Variants in RALGAPA2 observed in about 807,000 individuals in gnomAD.
The protein encoded by RALGAPA2 is ral GTPase-activating protein subunit alpha-2.
RALGAPA2 carries 139 observed loss-of-function variants against 230.4 expected under a neutral mutation model. The observed-to-expected ratio is 0.60, with a 90% CI of 0.53 to 0.69. The LOEUF (loss-of-function observed/expected upper bound fraction) is 0.69. RALGAPA2 is among the 30% of genes least tolerant of loss of function. The pLI is 0.00. For synonymous variants in RALGAPA2, 847 were observed against 837.8 expected, an observed-to-expected ratio of 1.01 and a Z score of -0.19; for missense variants, 2,163 against 2,276.0, an observed-to-expected ratio of 0.95 and a Z score of 1.01.
chr20:20,553,194 A>G (rs1050382378), intron 23 of RALGAPA2, among the ~76,000 whole-genome samples: 1 of 152,238 alleles, frequency 6.6e-6, no homozygotes, highest in South Asian at 2.1e-4. Flanking sequence ...GAGTACAACT[A>G]TGTTATGAAA....
At chr20:20,506,868 G>C (rs2062551242) in intron 33 of RALGAPA2, among the ~76,000 whole-genome samples, 1 of 152,190 alleles carries the variant, frequency 6.6e-6, no homozygotes, top group Admixed American at 6.5e-5. Flanking sequence ...TGGAGGAAGA[G>C]AGTTCTCTCC....
chr20:20,468,824 G>A (rs558921413), intron 37 of RALGAPA2, among the ~76,000 whole-genome samples: 1 of 151,744 alleles, frequency 6.6e-6, no homozygotes, highest in South Asian at 2.1e-4. Flanking sequence ...CACTGACTTA[G>A]TCCACCTCCT....
chr20:20,468,953 GTGTGTGTGTT>G (rs1401300355), intron 37 of RALGAPA2, among the ~76,000 whole-genome samples: 1 of 150,624 alleles, frequency 6.6e-6, no homozygotes, highest in African/African-American at 2.5e-5. Flanking sequence ...GTGTGTGTGT[GTGTGTGTGTT>G]TGTGTGTGTG....
rs183272361 is a variant in RALGAPA2, at chr20:20,694,349, T to C, written c.107-13548A>G. On this transcript the variant is annotated intron_variant, in intron 1 of 39. Transcript: ENST00000202677. ...TTTGCAGGTGGAATGACCTTCCTCC[T>C]AGACAGTTCAAAATGGTGGCATTTC... Among the ~76,000 whole-genome samples, 77 of 152,284 alleles carry C rather than the reference T, an allele frequency of 5.1e-4. 1 individual carries two copies. Among genetic ancestry groups the C allele is most frequent in the Non-Finnish European group, 4.9e-4 (33 of 68,018 alleles).
At position 20,435,337 on chromosome 20, in the gene RALGAPA2, T is replaced by C. The variant is rs376057369; in HGVS notation, c.5496-23189A>G. Among the ~76,000 whole-genome samples the C allele has an allele frequency of 2.6e-5, 4 of 152,232 alleles. No homozygotes were observed. In the East Asian group the frequency reaches 7.7e-4, roughly 29 times the overall value. On this transcript the variant is annotated intron_variant, in intron 37 of 39. Coordinates refer to ENST00000202677, the MANE Select transcript of RALGAPA2 (RefSeq NM_020343.4). ...AGCAACACTTCAGAGATGGAGGGTG[T>C]TCACCACCCTGGGCAGACAGCGCGT...
chr20:20,605,141 G>A (rs118046028), intron 15 of RALGAPA2, 34 bp downstream of exon 15: 651 of 1,528,344 alleles, frequency 4.3e-4, no homozygotes, highest in Non-Finnish European at 5.7e-4. Flanking sequence ...CCCAGTCCTA[G>A]ACATCTGGTG....
intron 22 of RALGAPA2, 110 bp from the exon 23 acceptor site, chr20:20,571,723 G>A: frequency 2.7e-6 from 4 of 1,465,226 alleles, no homozygotes; most frequent in Non-Finnish European, 2.8e-6. Flanking sequence ...CATGTGGGAT[G>A]CAGTTACTTT....
chr20:20,630,242 G>A (rs1055914883), intron 9 of RALGAPA2, among the ~76,000 whole-genome samples: 2 of 152,224 alleles, frequency 1.3e-5, no homozygotes, highest in South Asian at 2.1e-4. Context: ...TTCTGCTCTC[G>A]TATCCACATA....
intron 37 of RALGAPA2, among the ~76,000 whole-genome samples, chr20:20,466,193 T>C (rs2061418469): frequency 6.6e-6 from 1 of 152,246 alleles, no homozygotes; most frequent in African/African-American, 2.4e-5. Flanking sequence ...GAAGGCCCCA[T>C]AGGGTCAGAT....
At chr20:20,581,720 C>A (rs1471081415) in intron 20 of RALGAPA2, among the ~76,000 whole-genome samples, 1 of 151,980 alleles carries the variant, frequency 6.6e-6, no homozygotes, top group Admixed American at 6.6e-5. Context: ...TGAATACCAC[C>A]TTCATATGTT....
At chr20:20,405,744 C>T (rs1450378402) in intron 38 of RALGAPA2, among the ~76,000 whole-genome samples, 1 of 152,158 alleles carries the variant, frequency 6.6e-6, no homozygotes, top group African/African-American at 2.4e-5. Context: ...CTGCCTTTCT[C>T]CACACCGGCT....
In RALGAPA2 at chr20:20,616,083, TA is replaced by T; in HGVS notation, c.1647del (p.Phe549LeufsTer4). ...VDACKAVLII[F>X]RRMIMELTMN... ...ATTGTAAGCTCCATTATCATGCGCC[TA>T]AAAATAATCAAAACAGCTTTACAAG... On this transcript the variant is annotated frameshift_variant, in exon 13 of 40. Coordinates refer to ENST00000202677, the MANE Select transcript of RALGAPA2 (RefSeq NM_020343.4). LOFTEE classifies it high-confidence loss of function. The T allele has an allele frequency of 1.3e-6, 2 of 1,552,776 alleles. No individual in the cohort carries two copies. Among genetic ancestry groups the T allele is most frequent in the South Asian group, 1.2e-5 (1 of 82,574 alleles).
At chr20:20,442,348 T>C (rs899811173) in intron 37 of RALGAPA2, among the ~76,000 whole-genome samples, 3 of 152,260 alleles carry the variant, frequency 2.0e-5, no homozygotes, top group African/African-American at 7.2e-5. Flanking sequence ...TCAGATGCCA[T>C]GAGGCATCTT....
At chr20:20,680,442 T>A (rs1204914687) in intron 2 of RALGAPA2, among the ~76,000 whole-genome samples, 1 of 152,214 alleles carries the variant, frequency 6.6e-6, no homozygotes, top group Non-Finnish European at 1.5e-5. Context: ...AGTAACTTAC[T>A]CCTTTGAAAA....
intron 12 of RALGAPA2, among the ~76,000 whole-genome samples, chr20:20,618,407 A>T (rs1568657028): frequency 1.3e-5 from 2 of 152,186 alleles, no homozygotes; most frequent in East Asian, 3.8e-4. Context: ...TTAACTTCAA[A>T]ATTATGTGTA....
rs75700640 is a variant in RALGAPA2, at chr20:20,480,133, G to A, written c.5368-7177C>T. On this transcript the variant is annotated intron_variant, in intron 36 of 39. Coordinates refer to ENST00000202677, the MANE Select transcript of RALGAPA2 (RefSeq NM_020343.4). ...TTCTTGGACTAGAAGACTCAATATT[G>A]TTGTGACTTTCCTTCCTAGACTGAC... 6.1e-3 allele frequency among the ~76,000 whole-genome samples: 922 copies of A among 152,296 alleles called. 9 individuals are homozygous for A. Among genetic ancestry groups the A allele is most frequent in the African/African-American group, 0.021 (868 of 41,556 alleles).
At chr20:20,477,087 C>T (rs1040516744) in intron 36 of RALGAPA2, among the ~76,000 whole-genome samples, 2 of 152,116 alleles carry the variant, frequency 1.3e-5, no homozygotes, top group African/African-American at 2.4e-5. Flanking sequence ...AGATGGGGCA[C>T]GAGCAAGAAT....
At chr20:20,708,208 ATTC>A (rs1356213959) in intron 1 of RALGAPA2, among the ~76,000 whole-genome samples, 2 of 152,206 alleles carry the variant, frequency 1.3e-5, no homozygotes, top group East Asian at 3.8e-4. Context: ...ATTTCACCTG[ATTC>A]TTTTTACTTT....
At chr20:20,653,643 G>T in intron 3 of RALGAPA2, 56 bp from the exon 4 acceptor site, 1 of 1,063,292 alleles carries the variant, frequency 9.4e-7, no homozygotes, top group South Asian at 1.4e-5. Context: ...ACATTTTCAT[G>T]ACAGGCCCAT....
Sources: gnomAD v4.1 joint callset for allele counts (sites outside exome capture counted in the v4.1 genomes callset) on GRCh38, gnomAD v4.1.1 for gene constraint, MANE v1.5 for transcripts, NCBI Gene and HGNC (gene_info 2026-07-23, HGNC 2026-07-21) for gene names.